C8orf34: variants seen among roughly 807,000 people sequenced by gnomAD.
The protein encoded by C8orf34 is chromosome 8 open reading frame 34.
C8orf34 carries 65 observed loss-of-function variants against 68.3 expected under a neutral mutation model. The observed-to-expected ratio is 0.95, with a 90% confidence interval of 0.78 to 1.17. The LOEUF is 1.17. Ranked by LOEUF, C8orf34 falls within the 50% of genes most tolerant of loss-of-function variation. The probability of loss-of-function intolerance (pLI) is 0.00; values close to 1 mark genes in which losing one functional copy is unlikely to be tolerated. For synonymous variants in C8orf34, 244 were observed against 241.2 expected, an observed-to-expected ratio of 1.01 and a Z score of -0.11; for missense variants, 664 against 655.4, an observed-to-expected ratio of 1.01 and a Z score of -0.14.
At chr8:68,637,865 A>G (rs1818891797) in intron 7 of C8orf34, among the ~76,000 whole-genome samples, 1 of 152,178 alleles carries the variant, frequency 6.6e-6, no homozygotes, top group Non-Finnish European at 1.5e-5. Context: ...TGATTATGGT[A>G]GTCTCATGAG....
chr8:68,615,827 C>T (rs551641826), intron 7 of C8orf34, among the ~76,000 whole-genome samples: 7 of 152,094 alleles, frequency 4.6e-5, no homozygotes, highest in African/African-American at 1.4e-4. Context: ...GGAGGATTCC[C>T]TCTTTTTCTA....
At chr8:68,410,840 C>T (rs1490779030) in intron 1 of C8orf34, among the ~76,000 whole-genome samples, 3 of 152,280 alleles carry the variant, frequency 2.0e-5, no homozygotes, top group Non-Finnish European at 2.9e-5. Context: ...GCACCCCTTC[C>T]TAGAGGGAGA....
intron 6 of C8orf34, among the ~76,000 whole-genome samples, chr8:68,527,175 T>TA (rs1815035269): frequency 6.6e-6 from 1 of 152,216 alleles, no homozygotes; most frequent in Non-Finnish European, 1.5e-5. Context: ...ATGTCCAGGA[T>TA]GCCCCCTTTG....
At chr8:68,577,052 A>G (rs1278173204) in intron 7 of C8orf34, among the ~76,000 whole-genome samples, 1 of 151,978 alleles carries the variant, frequency 6.6e-6, no homozygotes, top group East Asian at 1.9e-4. Context: ...ACTCCTCCTC[A>G]AAGTGTGCTT....
At chr8:68,420,875 GAAA>G (rs10709157) in intron 1 of C8orf34, among the ~76,000 whole-genome samples, 2 of 143,910 alleles carry the variant, frequency 1.4e-5, no homozygotes, top group African/African-American at 2.5e-5. Flanking sequence ...CAAAATCATG[GAAA>G]AAAAAAAAAG....
rs1268998705 is a variant in C8orf34 at position 68,467,011 on chromosome 8, C to T, written c.608-1681C>T. ...AAGTTTAAGTAGTACTATGAGATTT[C>T]TACCCAACTCGGCTCCTAACCTGCA... On this transcript the variant is annotated intron_variant, in intron 3 of 13. Coordinates refer to ENST00000518698, the MANE Select transcript of C8orf34 (RefSeq NM_052958.4). 2.0e-5 allele frequency among the ~76,000 whole-genome samples: 3 copies of T among 151,884 alleles called. No homozygotes were observed. The East Asian group carries it at 5.8e-4, about 29-fold the overall frequency.
At chr8:68,638,636 G>A (rs766270050) in intron 7 of C8orf34, among the ~76,000 whole-genome samples, 7 of 151,946 alleles carry the variant, frequency 4.6e-5, no homozygotes, top group Admixed American at 1.3e-4. Flanking sequence ...CCAAAGTCAT[G>A]TATTTTTTTT....
At chr8:68,427,194 C>T (rs1052833661) in intron 1 of C8orf34, among the ~76,000 whole-genome samples, 2 of 152,014 alleles carry the variant, frequency 1.3e-5, no homozygotes, top group East Asian at 3.9e-4. Flanking sequence ...AGGTACTTAT[C>T]CTAAAGAAAT....
At chr8:68,652,312 C>G (rs2117489) in intron 8 of C8orf34, among the ~76,000 whole-genome samples, 2 of 152,134 alleles carry the variant, frequency 1.3e-5, no homozygotes, top group Non-Finnish European at 2.9e-5. Context: ...CATTATGTAT[C>G]TAGACCTTTA....
At chr8:68,787,015 G>A (rs564560456) in intron 11 of C8orf34, among the ~76,000 whole-genome samples, 1 of 152,260 alleles carries the variant, frequency 6.6e-6, no homozygotes, top group East Asian at 1.9e-4. Flanking sequence ...AGGCAGTGAA[G>A]TAATACTAGG....
intron 7 of C8orf34, among the ~76,000 whole-genome samples, chr8:68,607,512 A>G (rs934940245): frequency 6.6e-6 from 1 of 152,048 alleles, no homozygotes; most frequent in Non-Finnish European, 1.5e-5. Flanking sequence ...ACTCTAATGG[A>G]CCTAATTTTA....
At chr8:68,398,048 C>T (rs770981921) in intron 1 of C8orf34, among the ~76,000 whole-genome samples, 29 of 152,218 alleles carry the variant, frequency 1.9e-4, no homozygotes, top group Non-Finnish European at 2.8e-4. Flanking sequence ...AGATTACAAG[C>T]GTGAGCCACT....
At chr8:68,566,527 A>G (rs1310023457) in intron 7 of C8orf34, among the ~76,000 whole-genome samples, 1 of 152,132 alleles carries the variant, frequency 6.6e-6, no homozygotes, top group Admixed American at 6.6e-5. Flanking sequence ...GCACCTTTCT[A>G]TTATGGAGAT....
chr8:68,775,268 A>G (rs962071106), intron 10 of C8orf34, among the ~76,000 whole-genome samples: 6 of 152,146 alleles, frequency 3.9e-5, no homozygotes, highest in African/African-American at 1.4e-4. Context: ...TTCTGTAGAA[A>G]CAAATGTAAG....
chr8:68,769,531 A>T (rs904286739), intron 10 of C8orf34, among the ~76,000 whole-genome samples: 1 of 152,142 alleles, frequency 6.6e-6, no homozygotes, highest in African/African-American at 2.4e-5. Context: ...TCTCAGCTCA[A>T]GGTGAAAGTT....
chr8:68,615,703 T>C (rs1818186888), intron 7 of C8orf34, among the ~76,000 whole-genome samples: 1 of 152,262 alleles, frequency 6.6e-6, no homozygotes, highest in South Asian at 2.1e-4. Context: ...AGTATTTTAT[T>C]GAGGATTTTT....
intron 4 of C8orf34, among the ~76,000 whole-genome samples, chr8:68,482,515 T>A (rs926278913): frequency 1.3e-5 from 2 of 152,168 alleles, no homozygotes; most frequent in Non-Finnish European, 2.9e-5. Flanking sequence ...GTTCAAGTGA[T>A]CCTCCCACCT....
chr8:68,380,154 A>T (rs1250750761), intron 1 of C8orf34, among the ~76,000 whole-genome samples: 4 of 152,100 alleles, frequency 2.6e-5, no homozygotes, highest in Non-Finnish European at 5.9e-5. Flanking sequence ...GAGCCACCAC[A>T]CCCAGCCTTC....
intron 1 of C8orf34, among the ~76,000 whole-genome samples, chr8:68,378,002 TG>T (rs1414565193): frequency 6.6e-6 from 1 of 152,094 alleles, no homozygotes; most frequent in Non-Finnish European, 1.5e-5. Context: ...AAGAGAAGTG[TG>T]GGGAAACTGC....
Sources: allele counts gnomAD v4.1 joint callset (sites outside exome capture counted in the v4.1 genomes callset), GRCh38; gene constraint gnomAD v4.1.1; transcripts MANE v1.5; gene names NCBI Gene and HGNC (gene_info 2026-07-23, HGNC 2026-07-21).